The following RPE65 variants were observed in gnomAD, a reference collection of about 807,000 sequenced individuals.
RPE65 encodes retinoid isomerohydrolase RPE65, also known as retinoid isomerohydrolase.
RPE65 carries 58 observed loss-of-function variants against 68.5 expected under a neutral mutation model. The ratio of observed to expected loss-of-function variants is 0.85; its 90% CI spans 0.69 to 1.05. The LOEUF (loss-of-function observed/expected upper bound fraction) is 1.05, where lower values mean the gene tolerates loss of function less well. Among genes scored for constraint, RPE65 ranks in the 50% least tolerant of loss-of-function variants. The pLI is 0.00. For missense variants in RPE65, 643 were observed against 629.9 expected (o/e 1.02, Z -0.22); for synonymous variants, 220 against 222.2 (o/e 0.99, Z 0.09).
intron 5 of RPE65, among the ~76,000 whole-genome samples, chr1:68,442,962 C>T (rs1571168976): frequency 1.3e-5 from 2 of 152,006 alleles, no homozygotes; most frequent in African/African-American, 4.8e-5. Context: ...TTATTTTTAC[C>T]AGTACTGCAT....
chr1:68,430,085 C>A (rs1006868300), intron 13 of RPE65, among the ~76,000 whole-genome samples, 158 bp from the exon 14 acceptor site: 5 of 152,278 alleles, frequency 3.3e-5, no homozygotes, highest in Non-Finnish European at 7.4e-5. Context: ...TGGCATGAGA[C>A]CACCTAAAGA....
chr1:68,429,978 T>C (rs1645814680), intron 13 of RPE65, 51 bp from the exon 14 acceptor site: 1 of 1,605,156 alleles, frequency 6.2e-7, no homozygotes, highest in African/African-American at 1.3e-5. Flanking sequence ...AAGCCCAAGC[T>C]ATAGATTGAA....
intron 2 of RPE65, 148 bp from the exon 3 acceptor site, chr1:68,447,008 G>A (rs1645947549): frequency 9.5e-7 from 1 of 1,050,922 alleles, no homozygotes. Context: ...CCTCGCGCTG[G>A]ACAGCACTTA....
chr1:68,428,900 T>TA lies in RPE65; in HGVS notation c.*875dup, dbSNP rs1179334451. 6.6e-6 allele frequency: 1 copy of TA among 152,154 alleles called. No homozygotes were observed. Among genetic ancestry groups the TA allele is most frequent in the African/African-American group, 2.4e-5 (1 of 41,462 alleles). 9.4% of individuals were successfully genotyped at this position (152,154 alleles called of 1,614,324 possible). On this transcript the variant is annotated 3_prime_UTR_variant, in exon 14 of 14. Coordinates refer to ENST00000262340, the MANE Select transcript of RPE65 (RefSeq NM_000329.3). ...AAACAAAAGGCTTAAAATGTATTAA[T>TA]ACCTCAATGTTAATAATTTAATATT...
At position 68,444,620 on chromosome 1, in the gene RPE65, C is replaced by T; in HGVS notation, c.406G>A (p.Val136Ile). The T allele has an allele frequency of 6.2e-7, 1 of 1,614,046 alleles. No homozygotes were observed. Among genetic ancestry groups the T allele is most frequent in the Non-Finnish European group, 8.5e-7 (1 of 1,180,008 alleles). ...VEVTDNALVN[V>I]YPVGEDYYAC... is the part of the protein sequence containing the mutation. Reference sequence around the variant, plus strand: ...TAGTAATCTTCCCCCACTGGGTAGACATTAACAAGGGCATTGTCAGTAACC... The same window carrying T: ...TAGTAATCTTCCCCCACTGGGTAGATATTAACAAGGGCATTGTCAGTAACC... Residue 136 changes from valine (V) to isoleucine (I), a missense_variant, in exon 5 of 14, where the codon GTC becomes ATC. Physicochemically the swap from Val to Ile is conservative, Grantham distance 29. Transcript: ENST00000262340.
chr1:68,432,354 T>C (rs1371850955), intron 10 of RPE65, among the ~76,000 whole-genome samples: 4 of 151,674 alleles, frequency 2.6e-5, no homozygotes, highest in Admixed American at 6.6e-5. Context: ...GGGGGAAAAA[T>C]AGAATAGAGG....
chr1:68,431,888 A>G (rs1645829607), intron 10 of RPE65, among the ~76,000 whole-genome samples: 1 of 152,044 alleles, frequency 6.6e-6, no homozygotes, highest in African/African-American at 2.4e-5. Flanking sequence ...TCTGAAAAAC[A>G]AAAAAACAAA....
chr1:68,444,868 A>G lies in RPE65; in HGVS notation c.261T>C (p.Asp87=). ...VTYHRRFIRT[D]AYVRAMTEKR... is the part of the protein sequence containing the mutation. ...TCTCAGTCATTGCCCGTACGTAAGCATCAGTGCGGATGAACCTGAAGGACA... is the reference window on the plus strand; with the variant it reads ...TCTCAGTCATTGCCCGTACGTAAGCGTCAGTGCGGATGAACCTGAAGGACA... The change falls in exon 4 of 14, where the codon GAT becomes GAC. Residue 87 remains aspartate, a synonymous_variant. Coordinates refer to ENST00000262340, the MANE Select transcript of RPE65 (RefSeq NM_000329.3). 2.5e-6 allele frequency: 4 copies of G among 1,614,146 alleles called. No homozygotes were observed. Among genetic ancestry groups the G allele is most frequent in the Non-Finnish European group, 3.4e-6 (4 of 1,180,006 alleles).
chr1:68,429,665 G>A lies in RPE65; in HGVS notation c.*111C>T. On this transcript the variant is annotated 3_prime_UTR_variant, in exon 14 of 14. Coordinates refer to ENST00000262340, the MANE Select transcript of RPE65 (RefSeq NM_000329.3). ...AAACATTGCAAAATTGTGCGCATCT[G>A]CAAGTTAAAACCATGACATATAGCA... The A allele has an allele frequency of 1.5e-6, 2 of 1,346,214 alleles. No individual in the cohort carries two copies. Among genetic ancestry groups the A allele is most frequent in the South Asian group, 2.4e-5 (2 of 81,718 alleles). The allele number at this position is 1,346,214 out of a possible 1,614,324, so 83.4% of individuals were successfully genotyped here. A position where few individuals can be genotyped will look rare whatever the true frequency, so the allele number is the denominator to read the frequency against.
intron 2 of RPE65, among the ~76,000 whole-genome samples, chr1:68,447,865 CAAACAAACAAAA>C (rs990592470): frequency 6.6e-6 from 1 of 151,650 alleles, no homozygotes; most frequent in Non-Finnish European, 1.5e-5. Context: ...ACAAAACAAA[CAAACAAACAAAA>C]AAACAAACAA....
At position 68,440,914 on chromosome 1, in the gene RPE65, A is replaced by G. The variant is rs765937188; in HGVS notation, c.582T>C (p.Asn194=). ...ENDGTVYNIG[N]CFGKNFSIAY... ...CAATTGAAAAATTTTTTCCAAAGCA[A>G]TTACCAATATTGTAAACGGTTCCAT... is the stretch of plus-strand genomic sequence containing the variant. The change falls in exon 6 of 14, where the codon AAT becomes AAC. Residue 194 remains asparagine, a synonymous_variant. Coordinates refer to ENST00000262340, the MANE Select transcript of RPE65 (RefSeq NM_000329.3). The G allele has an allele frequency of 1.9e-6, 3 of 1,614,016 alleles. No individual in the cohort carries two copies. Among genetic ancestry groups the G allele is most frequent in the African/African-American group, 1.3e-5 (1 of 75,028 alleles).
chr1:68,430,729 A>AT (rs908937068), intron 13 of RPE65, among the ~76,000 whole-genome samples: 17 of 151,998 alleles, frequency 1.1e-4, no homozygotes, highest in Non-Finnish European at 7.4e-5. Context: ...TAGAATTGCT[A>AT]TTTTTTTAGA....
intron 9 of RPE65, 45 bp downstream of exon 9, chr1:68,438,897 C>A: frequency 6.2e-7 from 1 of 1,613,250 alleles, no homozygotes; most frequent in South Asian, 1.1e-5. Context: ...CCGTAATTTC[C>A]AGGAACAATG....
In RPE65 at chr1:68,431,323, A is replaced by G. The variant is rs774624260; in HGVS notation, c.1297T>C (p.Tyr433His). 2 of 1,614,012 alleles carry G rather than the reference A, an allele frequency of 1.2e-6. No individual in the cohort carries two copies. Among genetic ancestry groups the G allele is most frequent in the Non-Finnish European group, 1.7e-6 (2 of 1,179,946 alleles). ...YQKYCGKPYT[Y>H]AYGLGLNHFV... is the part of the protein sequence containing the mutation. ...TGATTCAAGCCAAGTCCATACGCAT[A>G]TGTGTAAGGTTTCCCACAATACTTC... The change falls in exon 12 of 14, where the codon TAT (tyrosine) becomes CAT (histidine). Residue 433 changes from tyrosine to histidine, a missense_variant. Coordinates refer to ENST00000262340, the MANE Select transcript of RPE65 (RefSeq NM_000329.3).
At chr1:68,435,018 TCTCA>T (rs900921372) in intron 10 of RPE65, among the ~76,000 whole-genome samples, 1 of 152,228 alleles carries the variant, frequency 6.6e-6, no homozygotes, top group African/African-American at 2.4e-5. Flanking sequence ...CTTCTGTCTC[TCTCA>T]CTCTATTCCC....
chr1:68,438,418 C>T (rs1645876135), intron 9 of RPE65, 102 bp from the exon 10 acceptor site: 2 of 1,392,218 alleles, frequency 1.4e-6, no homozygotes, highest in African/African-American at 1.4e-5. Flanking sequence ...GTTCTTTATT[C>T]CACAACCCAG....
intron 5 of RPE65, 88 bp from the exon 6 acceptor site, chr1:68,441,088 T>TG: frequency 6.9e-7 from 1 of 1,458,734 alleles, no homozygotes; most frequent in Non-Finnish European, 9.5e-7. Flanking sequence ...CACTACCCCT[T>TG]GAACTCTCAT....
At chr1:68,430,047 G>T in intron 13 of RPE65, 120 bp from the exon 14 acceptor site, 2 of 1,330,952 alleles carry the variant, frequency 1.5e-6, no homozygotes, top group Non-Finnish European at 2.1e-6. Context: ...CATATGACCT[G>T]ACTTCTTTTT....
intron 2 of RPE65, 47 bp from the exon 3 acceptor site, chr1:68,446,907 G>A (rs1343300704): frequency 1.9e-6 from 3 of 1,611,878 alleles, no homozygotes; most frequent in African/African-American, 2.7e-5. Context: ...CCTGCCTTGG[G>A]CTAGGCTTGT....
Sources: allele counts gnomAD v4.1 joint callset (sites outside exome capture counted in the v4.1 genomes callset), GRCh38; gene constraint gnomAD v4.1.1; transcripts MANE v1.5; gene names NCBI Gene and HGNC (gene_info 2026-07-23, HGNC 2026-07-21).